Variants in FBXL22 observed in about 807,000 individuals in gnomAD.
FBXL22 encodes the protein F-box and leucine rich repeat protein 22, also known as F-box and leucine-rich protein 22.
FBXL22 carries 13 observed loss-of-function variants against 11.7 expected under a neutral mutation model. The ratio of observed to expected loss-of-function variants is 1.11; its 90% CI spans 0.73 to 1.77. The LOEUF (loss-of-function observed/expected upper bound fraction) is 1.77. Among genes scored for constraint, FBXL22 ranks in the 40% most tolerant of loss-of-function variants. The pLI, the probability that FBXL22 is intolerant of heterozygous loss-of-function variation, is 0.00. For synonymous variants in FBXL22, 160 were observed against 144.1 expected, an observed-to-expected ratio of 1.11 and a Z score of -0.79; for missense variants, 406 against 320.4, an observed-to-expected ratio of 1.27 and a Z score of -2.04.
At chr15:63,606,800 T>C (rs1200405998), downstream of FBXL22, among the ~76,000 whole-genome samples, 1 of 152,228 alleles carries the variant, frequency 6.6e-6, no homozygotes, top group Non-Finnish European at 1.5e-5. Context: ...GGGTCAAACC[T>C]GAGCTGCTGT....
Position 63,600,380 on chromosome 15 carries a change from T to C in FBXL22, c.354-317T>C, listed in dbSNP as rs548846194. 1.9e-5 allele frequency: 22 copies of C among 1,137,410 alleles called. No homozygotes were observed. In the East Asian group the frequency reaches 9.0e-4, roughly 47 times the overall value. 70.5% of individuals were successfully genotyped at this position (1,137,410 alleles called of 1,614,324 possible). On this transcript the variant is annotated intron_variant, in intron 1 of 1. Transcript: ENST00000638704. ...ACAAAGAGTCAAGGGTTGTGGCTCC[T>C]GGAACCGGCATTCCCTCTGTCCACA... is the stretch of plus-strand genomic sequence containing the variant.
intron 1 of FBXL22, chr15:63,599,052 C>A: frequency 1.3e-6 from 1 of 742,282 alleles, no homozygotes; most frequent in Non-Finnish European, 2.3e-6. Context: ...TCTGCTGAGC[C>A]GCTCAGCTCG....
At chr15:63,606,274 G>A (rs746700260), downstream of FBXL22, among the ~76,000 whole-genome samples, 4 of 152,310 alleles carry the variant, frequency 2.6e-5, no homozygotes, top group East Asian at 3.9e-4. Flanking sequence ...GGCTTCATCC[G>A]GCCAGAAGTC....
downstream of FBXL22, among the ~76,000 whole-genome samples, chr15:63,603,814 T>C (rs927174018): frequency 6.6e-6 from 1 of 152,070 alleles, no homozygotes; most frequent in Non-Finnish European, 1.5e-5. Context: ...TGCAGTGGAG[T>C]GGCAGGACTC....
Position 63,600,920 on chromosome 15 carries a change from C to G in FBXL22, c.577C>G (p.Leu193Val). 4 of 1,213,210 alleles carry G rather than the reference C, an allele frequency of 3.3e-6. No individual in the cohort carries two copies. Among genetic ancestry groups the G allele is most frequent in the Non-Finnish European group, 3.1e-6 (3 of 976,020 alleles). The allele number at this position is 1,213,210 out of a possible 1,614,324, so 75.2% of individuals were successfully genotyped here. A position where few individuals can be genotyped will look rare whatever the true frequency, so the allele number is the denominator to read the frequency against. The change falls in exon 2 of 2, where the codon CTG (leucine) becomes GTG (valine). Residue 193 changes from leucine to valine, a missense_variant. Physicochemically the swap from Leu to Val is conservative, Grantham distance 32. Transcript: ENST00000638704. ...CGTGAGCGCGGCCGGCCTGCGCCGC[C>G]TGCGCGCCGCGTGCCCGCGCCTGGC... ...RNVSAAGLRRLRAACPRLALR... is the reference protein window; with the variant it reads ...RNVSAAGLRRVRAACPRLALR...
downstream of FBXL22, chr15:63,601,364 T>G (rs2067368583): frequency 6.2e-7 from 1 of 1,604,656 alleles, no homozygotes; most frequent in African/African-American, 1.3e-5. Flanking sequence ...CCGATCGCCG[T>G]TGGACCGAAA....
chr15:63,599,772 C>T (rs1246354892), intron 1 of FBXL22: 3 of 986,284 alleles, frequency 3.0e-6, no homozygotes, highest in East Asian at 1.1e-4. Flanking sequence ...GCCAAGGCCC[C>T]GGCCCATTAG....
downstream of FBXL22, among the ~76,000 whole-genome samples, chr15:63,605,001 G>A (rs565056549): frequency 2.0e-5 from 3 of 152,174 alleles, no homozygotes; most frequent in South Asian, 4.2e-4. Flanking sequence ...GCAGTGAGCC[G>A]AGATCGGGCC....
intron 1 of FBXL22, among the ~76,000 whole-genome samples, chr15:63,598,702 G>A (rs1188336654): frequency 6.6e-6 from 1 of 152,248 alleles, no homozygotes; most frequent in Non-Finnish European, 1.5e-5. Context: ...GCTATTTGCT[G>A]GCAGCACGAC....
chr15:63,604,100 T>C (rs2067401464), downstream of FBXL22, among the ~76,000 whole-genome samples: 4 of 152,178 alleles, frequency 2.6e-5, no homozygotes, highest in Admixed American at 6.5e-5. Context: ...AACAACAGGA[T>C]CCTGGCTTCA....
At chr15:63,600,142 GC>G in intron 1 of FBXL22, 11 of 985,862 alleles carry the variant, frequency 1.1e-5, no homozygotes, top group Non-Finnish European at 1.3e-5. Context: ...TGCAGGAACA[GC>G]TCTAGTCTAC....
downstream of FBXL22, among the ~76,000 whole-genome samples, chr15:63,604,328 C>CA (rs2067403414): frequency 6.6e-6 from 1 of 152,190 alleles, no homozygotes; most frequent in Admixed American, 6.5e-5. Context: ...GACAACCCCC[C>CA]TTTCCCATGG....
chr15:63,601,421 G>A (rs746917617), downstream of FBXL22: 1 of 1,588,268 alleles, frequency 6.3e-7, no homozygotes, highest in Non-Finnish European at 8.6e-7. Flanking sequence ...GCCGACTTGC[G>A]CTCGGGGGTG....
chr15:63,597,806 G>A lies in FBXL22; in HGVS notation c.353+61G>A, dbSNP rs1595792810. 3.4e-6 allele frequency: 5 copies of A among 1,464,858 alleles called. No individual in the cohort carries two copies. In the African/African-American group the frequency reaches 4.2e-5, roughly 12 times the overall value. 90.7% of individuals were successfully genotyped at this position (1,464,858 alleles called of 1,614,324 possible). A position where few individuals can be genotyped will look rare whatever the true frequency, so the allele number is the denominator to read the frequency against. On this transcript the variant is annotated intron_variant, in intron 1 of 1. Transcript: ENST00000638704. This position sits in a 1 kb window ranked among gnomAD's most constrained non-coding sequence, Gnocchi z 4.3. ...GCTAGCTCTGGCTTCCCTCTTGGGG[G>A]GCAGGGAAGAGCAAATTACGAGACC...
Position 63,597,753 on chromosome 15 carries a change from A to T in FBXL22, c.353+8A>T. On this transcript the variant is annotated splice_region_variant and intron_variant, in intron 1 of 1. Transcript: ENST00000638704. This position sits in a 1 kb window ranked among gnomAD's most constrained non-coding sequence, Gnocchi z 4.3. ...CCTCCGGGTGTGCGACAGGTAGGCC[A>T]CCTTGCCTCCTGAGCAGTGCTGGCC... is the stretch of plus-strand genomic sequence containing the variant. 1 of 1,564,016 alleles carries T rather than the reference A, an allele frequency of 6.4e-7. No homozygotes were observed. The highest frequency in any genetic ancestry group is 8.7e-7 in the Non-Finnish European group (1 of 1,152,222).
downstream of FBXL22, chr15:63,601,403 C>A: frequency 6.3e-7 from 1 of 1,594,834 alleles, no homozygotes; most frequent in Admixed American, 1.7e-5. Context: ...CCTGACCACT[C>A]GGAGTTCGCC....
intron 1 of FBXL22, among the ~76,000 whole-genome samples, chr15:63,598,181 A>G (rs1280049612): frequency 6.6e-6 from 1 of 152,094 alleles, no homozygotes; most frequent in African/African-American, 2.4e-5. Context: ...AGAGGTGGAG[A>G]AGCCAGGGTG....
intron 1 of FBXL22, among the ~76,000 whole-genome samples, chr15:63,598,589 C>T (rs1052592090): frequency 6.6e-6 from 1 of 152,170 alleles, no homozygotes; most frequent in Non-Finnish European, 1.5e-5. Context: ...CAGTCCCGTG[C>T]TGCCTTTGAG....
rs1206209272 is a variant in FBXL22, at chr15:63,600,766, GC to G, written c.424del (p.Leu142CysfsTer44). On this transcript the variant is annotated frameshift_variant, in exon 2 of 2. Coordinates refer to ENST00000638704, the MANE Select transcript of FBXL22 (RefSeq NM_001367807.1). LOFTEE classifies it high-confidence loss of function. ...HVTDDCLARL[L>X]RCCPRLRALR... ...TTACCGACGACTGCCTGGCGCGCCT[GC>G]TGCGCTGCTGCCCACGCCTGCGCGC... The G allele has an allele frequency of 1.2e-5, 15 of 1,231,250 alleles. No homozygotes were observed. The highest frequency in any genetic ancestry group is 4.2e-5 in the Admixed American group (1 of 23,700). 76.3% of individuals were successfully genotyped at this position (1,231,250 alleles called of 1,614,324 possible).
Sources: gnomAD v4.1 joint callset for allele counts (sites outside exome capture counted in the v4.1 genomes callset) on GRCh38, gnomAD v4.1.1 for gene constraint, Gnocchi (gnomAD v3.1) non-coding constraint, MANE v1.5 for transcripts, NCBI Gene and HGNC (gene_info 2026-07-23, HGNC 2026-07-21) for gene names.